The following EML5 variants were observed in gnomAD, a reference collection of about 807,000 sequenced individuals.
EML5 encodes the protein EMAP like 5.
Under a neutral mutation model 250.0 loss-of-function variants are expected in EML5, and 120 were observed. The observed-to-expected ratio is 0.48, with a 90% CI of 0.41 to 0.56. The LOEUF (loss-of-function observed/expected upper bound fraction) is 0.56, where lower values mean the gene tolerates loss of function less well. Ranked by LOEUF, EML5 falls within the 20% of genes least tolerant of loss-of-function variation. EML5 has a pLI of 0.00. For missense variants in EML5, 2,006 were observed against 2,437.6 expected (o/e 0.82, Z 3.73); for synonymous variants, 771 against 806.5 (o/e 0.96, Z 0.75).
chr14:88,730,580 G>A (rs372961727), intron 7 of EML5, among the ~76,000 whole-genome samples: 7 of 152,250 alleles, frequency 4.6e-5, no homozygotes, highest in Admixed American at 2.6e-4. Flanking sequence ...TTAAAAACAC[G>A]ACAAATAATT....
intron 33 of EML5, chr14:88,628,100 C>G (rs899113949): frequency 1.4e-5 from 6 of 444,338 alleles, no homozygotes; most frequent in African/African-American, 1.2e-4. Flanking sequence ...CAGGCAATCT[C>G]AACTTTAAAC....
At chr14:88,730,759 C>T (rs1211286907) in intron 7 of EML5, among the ~76,000 whole-genome samples, 1 of 152,070 alleles carries the variant, frequency 6.6e-6, no homozygotes, top group African/African-American at 2.4e-5. Context: ...TGAGAAAACA[C>T]TAATTCAATG....
chr14:88,728,193 G>T (rs1315451498), intron 7 of EML5, among the ~76,000 whole-genome samples: 2 of 106,124 alleles, frequency 1.9e-5, no homozygotes, highest in Non-Finnish European at 3.5e-5. Context: ...TACTGAACAT[G>T]TACAGACTTT....
chr14:88,657,174 AT>A (rs2091904136), intron 27 of EML5, among the ~76,000 whole-genome samples: 1 of 152,158 alleles, frequency 6.6e-6, no homozygotes, highest in African/African-American at 2.4e-5. Flanking sequence ...TTATATTTCC[AT>A]AGAGACAAGG....
chr14:88,688,458 C>G lies in EML5; in HGVS notation c.2555G>C (p.Gly852Ala). ...CAGTGTGCCTATGTAGCCTTTTCTT[C>G]CAATCAATCCTCCCCCTAGTTCACA... ...FWRKAGGGLI[G>A]RKGYIGTLGK... is the part of the protein sequence containing the mutation. The change falls in exon 18 of 44, where the codon GGA becomes GCA. Residue 852 changes from glycine (G) to alanine (A), a missense_variant. Coordinates refer to ENST00000554922, the MANE Select transcript of EML5 (RefSeq NM_183387.3). 6.2e-7 allele frequency: 1 copy of G among 1,613,862 alleles called. No homozygotes were observed. The highest frequency in any genetic ancestry group is 1.1e-5 in the South Asian group (1 of 91,074).
intron 24 of EML5, among the ~76,000 whole-genome samples, chr14:88,662,503 A>C (rs2092151407): frequency 6.6e-6 from 1 of 151,374 alleles, no homozygotes; most frequent in Non-Finnish European, 1.5e-5. Context: ...TTTTAAGGAA[A>C]GCAACTGGAG....
chr14:88,744,180 A>T, intron 3 of EML5, 89 bp from the exon 4 acceptor site: 7 of 721,782 alleles, frequency 9.7e-6, no homozygotes, highest in Non-Finnish European at 1.5e-5. Flanking sequence ...CCAAACTCCT[A>T]ATCATAAAAT....
chr14:88,670,100 T>C (rs1311488914), intron 21 of EML5, among the ~76,000 whole-genome samples: 1 of 151,654 alleles, frequency 6.6e-6, no homozygotes, highest in Non-Finnish European at 1.5e-5. Flanking sequence ...GTGGATCATG[T>C]GGTCAGGGGT....
At position 88,647,044 on chromosome 14, in the gene EML5, T is replaced by C. The variant is rs1030325554; in HGVS notation, c.4020-89A>G. On this transcript the variant is annotated intron_variant, in intron 28 of 43. Coordinates refer to ENST00000554922, the MANE Select transcript of EML5 (RefSeq NM_183387.3). The stretch of plus-strand genomic sequence containing the variant: ...GAAATACCTCCTGTAATAAAATATT[T>C]TAACAAGTTTAATGCAGACAGCTAT... The C allele has an allele frequency of 7.2e-6, 9 of 1,249,758 alleles. No individual in the cohort carries two copies. In the African/African-American group the frequency reaches 7.5e-5, roughly 10 times the overall value. 77.4% of individuals were successfully genotyped at this position (1,249,758 alleles called of 1,614,324 possible). A position where few individuals can be genotyped will look rare whatever the true frequency, so the allele number is the denominator to read the frequency against.
chr14:88,677,274 C>A (rs988256796), intron 21 of EML5, among the ~76,000 whole-genome samples: 1 of 152,118 alleles, frequency 6.6e-6, no homozygotes, highest in African/African-American at 2.4e-5. Context: ...AGCTGGACCC[C>A]TTCCTTACAC....
intron 2 of EML5, among the ~76,000 whole-genome samples, chr14:88,747,058 A>G (rs1182872917): frequency 6.6e-6 from 1 of 152,068 alleles, no homozygotes; most frequent in Non-Finnish European, 1.5e-5. Flanking sequence ...CGCAACTTTG[A>G]TCTATCCCTC....
intron 17 of EML5, among the ~76,000 whole-genome samples, chr14:88,691,071 G>C (rs1005030309): frequency 2.0e-5 from 3 of 152,186 alleles, no homozygotes; most frequent in East Asian, 1.9e-4. Context: ...CTACAAGCTA[G>C]AGACTCTGCT....
chr14:88,638,843 G>T lies in EML5; in HGVS notation c.4302C>A (p.Pro1434=). 6.3e-7 allele frequency: 1 copy of T among 1,597,384 alleles called. No homozygotes were observed. The highest frequency in any genetic ancestry group is 1.1e-5 in the South Asian group (1 of 87,644). ...CAGTTGCCACTATGTTGATAAATTTGGGGTGCTGGTTTACTGTGAGGCACA... is the reference window on the plus strand; with the variant it reads ...CAGTTGCCACTATGTTGATAAATTTTGGGTGCTGGTTTACTGTGAGGCACA... The part of the protein sequence containing the change: ...DILCLTVNQH[P]KFINIVATGQ... Residue 1434 remains proline (P), a synonymous_variant, in exon 32 of 44, where the codon CCC becomes CCA. Coordinates refer to ENST00000554922, the MANE Select transcript of EML5 (RefSeq NM_183387.3).
intron 1 of EML5, among the ~76,000 whole-genome samples, chr14:88,789,936 A>C (rs565153584): frequency 2.6e-5 from 4 of 152,326 alleles, no homozygotes; most frequent in African/African-American, 9.6e-5. Flanking sequence ...AACAGCACTG[A>C]CTTTTTATTA....
Position 88,715,033 on chromosome 14 carries a change from G to A in EML5, c.1350C>T (p.Ser450=). ...RYKKVGECLG[S]LSFITHLDWS... ...AGTCCAGATGAGTGATGAAACTAAGGGATCCCAAACACTCGCCAACTTTTT... is the reference window on the plus strand; with the variant it reads ...AGTCCAGATGAGTGATGAAACTAAGAGATCCCAAACACTCGCCAACTTTTT... Residue 450 remains serine, a synonymous_variant, in exon 9 of 44, where the codon TCC becomes TCT. Transcript: ENST00000554922. The A allele has an allele frequency of 6.2e-7, 1 of 1,613,748 alleles. No homozygotes were observed. The highest frequency in any genetic ancestry group is 1.7e-5 in the Admixed American group (1 of 59,994).
intron 8 of EML5, 150 bp downstream of exon 8, chr14:88,726,391 T>A (rs1364912652): frequency 4.1e-6 from 2 of 485,696 alleles, no homozygotes; most frequent in African/African-American, 4.0e-5. Flanking sequence ...GAAATTAACA[T>A]CTGAAATATA....
intron 10 of EML5, among the ~76,000 whole-genome samples, chr14:88,711,398 G>T (rs980293010): frequency 3.0e-5 from 2 of 66,130 alleles, no homozygotes; most frequent in Non-Finnish European, 4.9e-5. Context: ...GGCTGGGGAG[G>T]CCTCAGGAAA....
chr14:88,681,902 TCCGGA>T lies in EML5; in HGVS notation c.3107_3111del (p.Val1036GlufsTer14). The T allele has an allele frequency of 6.2e-7, 1 of 1,608,836 alleles. No homozygotes were observed. The highest frequency in any genetic ancestry group is 1.3e-5 in the African/African-American group (1 of 74,738). ...GAGAGCCTCTTACCCTTTTTCAGCT[TCCGGA>T]CAGCCAACATACAATGACTAGGTGA... On this transcript the variant is annotated frameshift_variant, in exon 21 of 44. Coordinates refer to ENST00000554922, the MANE Select transcript of EML5 (RefSeq NM_183387.3). LOFTEE classifies it high-confidence loss of function.
intron 25 of EML5, among the ~76,000 whole-genome samples, chr14:88,660,615 C>T (rs548132778): frequency 7.2e-5 from 11 of 151,852 alleles, no homozygotes; most frequent in South Asian, 6.3e-4. Context: ...TGGTGGTGCG[C>T]GCCTGTAATC....
Sources: gnomAD v4.1 joint callset for allele counts (sites outside exome capture counted in the v4.1 genomes callset) on GRCh38, gnomAD v4.1.1 for gene constraint, MANE v1.5 for transcripts, NCBI Gene and HGNC (gene_info 2026-07-23, HGNC 2026-07-21) for gene names.